The following NKTR variants were observed in gnomAD, a reference collection of about 807,000 sequenced individuals.
The protein encoded by NKTR is natural killer cell triggering receptor.
A neutral mutation model predicts 156.3 loss-of-function variants in NKTR; 67 were observed. That is an observed-to-expected ratio of 0.43 (90% CI 0.35 to 0.53). NKTR has a LOEUF of 0.53. NKTR is among the 20% of genes least tolerant of loss of function. NKTR has a pLI of 0.01. For synonymous variants in NKTR, 640 were observed against 596.6 expected (o/e 1.07, Z -1.06); for missense variants, 1,604 against 1,730.9 (o/e 0.93, Z 1.30).
chr3:42,614,770 A>G (rs536486389), intron 2 of NKTR, among the ~76,000 whole-genome samples: 1 of 152,336 alleles, frequency 6.6e-6, no homozygotes, highest in African/African-American at 2.4e-5. Flanking sequence ...AACTTAAGAA[A>G]GTCTCAACTA....
chr3:42,639,761 T>G lies in NKTR; in HGVS notation c.4046+11T>G. The G allele has an allele frequency of 6.4e-7, 1 of 1,556,594 alleles. No homozygotes were observed. The highest frequency in any genetic ancestry group is 1.2e-5 in the South Asian group (1 of 85,432). The stretch of plus-strand genomic sequence containing the variant: ...CACATCATCTTATCGGTGAGCAATA[T>G]TCTCTTTCCTTTCTTCTCCCAAGGA... On this transcript the variant is annotated intron_variant, in intron 13 of 16. Transcript: ENST00000232978.
intron 6 of NKTR, chr3:42,628,351 T>C (rs1708587103): frequency 1.0e-6 from 1 of 985,226 alleles, no homozygotes; most frequent in African/African-American, 1.7e-5. Context: ...TTCATTTGAA[T>C]TAAAAACTAA....
Position 42,601,185 on chromosome 3 carries a change from T to A in NKTR, c.58+121T>A, listed in dbSNP as rs536293802. ...AGCGGGTAGGAGGCGCAGGCAACTTTCCGTTTTCTCTTGAGAGAAAATCAG... is the reference window on the plus strand; with the variant it reads ...AGCGGGTAGGAGGCGCAGGCAACTTACCGTTTTCTCTTGAGAGAAAATCAG... On this transcript the variant is annotated intron_variant, in intron 2 of 16. Coordinates refer to ENST00000232978, the MANE Select transcript of NKTR (RefSeq NM_005385.4). 1.9e-4 allele frequency: 142 copies of A among 730,018 alleles called. 1 individual carries two copies. In the South Asian group the frequency reaches 2.4e-3, roughly 13 times the overall value. The allele number at this position is 730,018 out of a possible 1,614,324, so 45.2% of individuals were successfully genotyped here.
chr3:42,617,199 C>T (rs139826633), intron 2 of NKTR, among the ~76,000 whole-genome samples: 12 of 152,158 alleles, frequency 7.9e-5, no homozygotes, highest in African/African-American at 2.7e-4. Flanking sequence ...TTGATGTACT[C>T]TCATCACTGG....
At chr3:42,627,429 A>G in intron 6 of NKTR, 1 of 985,246 alleles carries the variant, frequency 1.0e-6, no homozygotes, top group Non-Finnish European at 1.2e-6. Flanking sequence ...TGTTTCCACC[A>G]AGTTCCTGTA....
intron 3 of NKTR, among the ~76,000 whole-genome samples, chr3:42,618,215 G>C (rs1010533931): frequency 7.3e-5 from 11 of 151,716 alleles, no homozygotes; most frequent in African/African-American, 2.2e-4. Context: ...GCCGGGCGTA[G>C]TGGCAGGCGC....
At chr3:42,618,259 G>A (rs1577471902) in intron 3 of NKTR, among the ~76,000 whole-genome samples, 1 of 150,114 alleles carries the variant, frequency 6.7e-6, no homozygotes, top group Non-Finnish European at 1.5e-5. Flanking sequence ...GCTGAGGCAA[G>A]AGAATCACTT....
At chr3:42,615,145 C>G (rs530465049) in intron 2 of NKTR, among the ~76,000 whole-genome samples, 4 of 151,758 alleles carry the variant, frequency 2.6e-5, no homozygotes, top group Non-Finnish European at 2.9e-5. Context: ...GTGATGCAAC[C>G]TCAGCTCACT....
At chr3:42,633,787 C>A in intron 10 of NKTR, 52 bp downstream of exon 10, 1 of 1,602,616 alleles carries the variant, frequency 6.2e-7, no homozygotes, top group Non-Finnish European at 8.5e-7. Context: ...AACACTGTTC[C>A]GTCAGCTCAT....
intron 2 of NKTR, among the ~76,000 whole-genome samples, chr3:42,607,946 C>CCAAT (rs966182117): frequency 3.0e-5 from 4 of 133,150 alleles, no homozygotes; most frequent in Admixed American, 1.6e-4. Context: ...TGCGGGCATG[C>CCAAT]CAATCGCAAG....
intron 2 of NKTR, among the ~76,000 whole-genome samples, chr3:42,609,161 C>T (rs936233087): frequency 6.6e-6 from 1 of 150,910 alleles, no homozygotes; most frequent in Non-Finnish European, 1.5e-5. Context: ...TCAAATAGAA[C>T]AAAAGATGCT....
At chr3:42,620,243 A>C (rs1195169623) in intron 5 of NKTR, 2 of 1,265,992 alleles carry the variant, frequency 1.6e-6, no homozygotes, top group Admixed American at 3.9e-5. Context: ...CATCAGAGAA[A>C]AGAGTCTAGT....
Position 42,600,719 on chromosome 3 carries a change from T to A in NKTR, c.-83T>A, listed in dbSNP as rs1705297458. On this transcript the variant is annotated 5_prime_UTR_variant, in exon 1 of 17. Transcript: ENST00000232978. ...TCCGTTAGCGGCGTTGGGGTTTGGC[T>A]GCAGTGGCAGTGCTTTCTCTTCTGC... 1 of 281,492 alleles carries A rather than the reference T, an allele frequency of 3.6e-6. No individual in the cohort carries two copies. The highest frequency in any genetic ancestry group is 6.6e-6 in the Non-Finnish European group (1 of 150,548). The allele number at this position is 281,492 out of a possible 1,614,324, so 17.4% of individuals were successfully genotyped here.
Position 42,632,770 on chromosome 3 carries a change from G to A in NKTR, c.720G>A (p.Lys240=), listed in dbSNP as rs1709035532. The A allele has an allele frequency of 6.2e-7, 1 of 1,611,878 alleles. No individual in the cohort carries two copies. Among genetic ancestry groups the A allele is most frequent in the Non-Finnish European group, 8.5e-7 (1 of 1,179,432 alleles). Residue 240 remains lysine, a synonymous_variant, in exon 9 of 17, where the codon AAG becomes AAA. Transcript: ENST00000232978. ...PKVKRSKKRR[K]EASSSEEPRN... is the part of the protein sequence containing the mutation. ...TTAAACGTTCTAAAAAGAGGCGAAA[G>A]GAAGCAAGCAGTTCAGAAGAGCCAA...
At position 42,637,682 on chromosome 3, in the gene NKTR, A is replaced by G; in HGVS notation, c.1978A>G (p.Ser660Gly). 2 of 1,614,002 alleles carry G rather than the reference A, an allele frequency of 1.2e-6. No homozygotes were observed. The highest frequency in any genetic ancestry group is 1.7e-6 in the Non-Finnish European group (2 of 1,179,994). ...TTTAGCAAATATTAAAGAGACTGGT[A>G]GCTCATCATCCTACCATAAAAGAGA... ...YSLANIKETG[S>G]SSSYHKREKN... is the part of the protein sequence containing the mutation. The change falls in exon 13 of 17, where the codon AGC becomes GGC. Residue 660 changes from serine (S) to glycine (G), a missense_variant. Physicochemically the swap from Ser to Gly is moderately conservative, Grantham distance 56. Coordinates refer to ENST00000232978, the MANE Select transcript of NKTR (RefSeq NM_005385.4).
chr3:42,607,524 G>A (rs1409862694), intron 2 of NKTR, among the ~76,000 whole-genome samples: 1 of 152,068 alleles, frequency 6.6e-6, no homozygotes, highest in South Asian at 2.1e-4. Context: ...AAAAAAGATG[G>A]AGACTGTTTT....
At chr3:42,615,731 C>T (rs144760920) in intron 2 of NKTR, among the ~76,000 whole-genome samples, 11 of 152,216 alleles carry the variant, frequency 7.2e-5, no homozygotes, top group African/African-American at 1.4e-4. Context: ...GTATGCAAAG[C>T]GGGATGATTT....
intron 2 of NKTR, among the ~76,000 whole-genome samples, chr3:42,603,893 C>A (rs1040079359): frequency 6.6e-6 from 1 of 151,868 alleles, no homozygotes; most frequent in African/African-American, 2.4e-5. Flanking sequence ...GTGCCACCAC[C>A]CCTGGCTAAT....
At chr3:42,629,669 G>A in intron 6 of NKTR, 1 of 977,754 alleles carries the variant, frequency 1.0e-6, no homozygotes, top group Non-Finnish European at 1.2e-6. Context: ...CAAGATGCTT[G>A]TAGTATATAA....
Sources: allele counts gnomAD v4.1 joint callset (sites outside exome capture counted in the v4.1 genomes callset), GRCh38; gene constraint gnomAD v4.1.1; transcripts MANE v1.5; gene names NCBI Gene and HGNC (gene_info 2026-07-23, HGNC 2026-07-21).